The following CRB1 variants were observed in gnomAD, a reference collection of about 807,000 sequenced individuals.
CRB1 encodes the protein crumbs cell polarity complex component 1, also known as protein crumbs homolog 1.
Under a neutral mutation model 120.0 loss-of-function variants are expected in CRB1, and 83 were observed. The observed-to-expected ratio is 0.69, with a 90% CI of 0.58 to 0.83. The LOEUF (loss-of-function observed/expected upper bound fraction) is 0.83. CRB1 is among the 40% of genes least tolerant of loss of function. CRB1 has a pLI of 0.00. For missense variants in CRB1, 1,699 were observed against 1,687.6 expected (o/e 1.01, Z -0.12); for synonymous variants, 625 against 612.5 (o/e 1.02, Z -0.30).
At chr1:197,441,945 T>C (rs1665464023) in intron 10 of CRB1, 1 of 583,224 alleles carries the variant, frequency 1.7e-6, no homozygotes, top group African/African-American at 1.9e-5. Flanking sequence ...ATTCCGTGTG[T>C]ATATGTATAT....
At chr1:197,421,985 G>A (rs1233666391) in intron 6 of CRB1, 29 bp downstream of exon 6, 1 of 1,602,884 alleles carries the variant, frequency 6.2e-7, no homozygotes, top group Admixed American at 1.7e-5. Flanking sequence ...CTATGGCTAG[G>A]AGTGCCATGC....
chr1:197,351,038 AC>A (rs971929576), intron 4 of CRB1, among the ~76,000 whole-genome samples: 2 of 151,988 alleles, frequency 1.3e-5, no homozygotes, highest in African/African-American at 4.8e-5. Flanking sequence ...GGTGGCAGGC[AC>A]CCATAGAAAA....
the CRB1 span, among the ~76,000 whole-genome samples, chr1:197,209,987 C>T: frequency 6.6e-6 from 1 of 152,230 alleles, no homozygotes; most frequent in Non-Finnish European, 1.5e-5. Context: ...ATTATCTCAG[C>T]TTTCCTGGTA....
Position 197,291,549 on chromosome 1 carries a change from T to C in CRB1, c.70+23067T>C, listed in dbSNP as rs556816433. ...TTTATCTCAATTCAATAATCAAAAA[T>C]TCATGACACTGTTGGATTTTAGTTC... On this transcript the variant is annotated intron_variant, in intron 1 of 11. Coordinates refer to ENST00000367400, the MANE Select transcript of CRB1 (RefSeq NM_201253.3). Among the ~76,000 whole-genome samples the C allele has an allele frequency of 5.3e-4, 80 of 151,948 alleles. 1 individual carries two copies. The highest frequency in any genetic ancestry group is 1.8e-3 in the Admixed American group (27 of 15,220).
chr1:197,225,776 C>T, the CRB1 span, among the ~76,000 whole-genome samples: 1 of 152,188 alleles, frequency 6.6e-6, no homozygotes, highest in African/African-American at 2.4e-5. Context: ...TCCTTTAAGC[C>T]CATATTTTGA....
intron 6 of CRB1, among the ~76,000 whole-genome samples, chr1:197,423,094 T>C (rs1314215174): frequency 2.0e-5 from 3 of 152,194 alleles, no homozygotes; most frequent in Admixed American, 1.3e-4. Context: ...GCTGAGGCAA[T>C]GTTCACTTTT....
the CRB1 span, among the ~76,000 whole-genome samples, chr1:197,247,089 C>T: frequency 0.35 from 52,830 of 151,836 alleles, 11,576 homozygotes; most frequent in East Asian, 0.77. Context: ...TCAGTTTACA[C>T]CAAATGCTAC....
intron 5 of CRB1, among the ~76,000 whole-genome samples, chr1:197,362,465 G>T (rs1459867113): frequency 6.6e-6 from 1 of 151,990 alleles, no homozygotes; most frequent in African/African-American, 2.4e-5. Context: ...TTAGAGGAGA[G>T]GTGTTAAAGT....
the CRB1 span, among the ~76,000 whole-genome samples, chr1:197,262,695 A>G: frequency 6.6e-6 from 1 of 152,042 alleles, no homozygotes; most frequent in Non-Finnish European, 1.5e-5. Flanking sequence ...CTTCTTAACA[A>G]TAGTCCTCAG....
chr1:197,292,983 T>A (rs956028661), intron 1 of CRB1, among the ~76,000 whole-genome samples: 4 of 152,054 alleles, frequency 2.6e-5, no homozygotes, highest in African/African-American at 9.7e-5. Context: ...CTGGAAGCAT[T>A]CCCTTTCAAA....
chr1:197,419,770 C>T (rs541903368), intron 5 of CRB1, among the ~76,000 whole-genome samples: 5 of 144,128 alleles, frequency 3.5e-5, no homozygotes, highest in East Asian at 2.0e-4. Flanking sequence ...GTCAGGAGAT[C>T]GAGACCATCC....
At chr1:197,404,410 C>A (rs1571483781) in intron 5 of CRB1, among the ~76,000 whole-genome samples, 1 of 141,916 alleles carries the variant, frequency 7.0e-6, no homozygotes, top group African/African-American at 2.7e-5. Context: ...CCACTGCACT[C>A]CAGCCTGGGC....
chr1:197,265,913 G>A (rs61414659), upstream of CRB1, among the ~76,000 whole-genome samples: 1,086 of 152,144 alleles, frequency 7.1e-3, 15 homozygotes, highest in African/African-American at 0.023. Flanking sequence ...ATCTTTCTAA[G>A]CACAACTCTG....
chr1:197,206,176 A>G, the CRB1 span, among the ~76,000 whole-genome samples: 1 of 152,014 alleles, frequency 6.6e-6, no homozygotes, highest in African/African-American at 2.4e-5. Context: ...CTAGTGGTCT[A>G]TCAATTTTAT....
chr1:197,278,762 A>G (rs1655362839), intron 1 of CRB1, among the ~76,000 whole-genome samples: 1 of 151,944 alleles, frequency 6.6e-6, no homozygotes, highest in Non-Finnish European at 1.5e-5. Flanking sequence ...TTAAATAACC[A>G]TTAAAATAAA....
intron 1 of CRB1, among the ~76,000 whole-genome samples, chr1:197,327,801 C>A (rs970993785): frequency 6.6e-6 from 1 of 152,184 alleles, no homozygotes; most frequent in Non-Finnish European, 1.5e-5. Flanking sequence ...TCTGACTGGG[C>A]TCCAAGGGAC....
intron 2 of CRB1, among the ~76,000 whole-genome samples, chr1:197,336,080 G>T (rs1571860708): frequency 6.6e-6 from 1 of 152,200 alleles, no homozygotes; most frequent in African/African-American, 2.4e-5. Flanking sequence ...ACCTCCCTGG[G>T]TTACATGATG....
intron 5 of CRB1, among the ~76,000 whole-genome samples, chr1:197,366,066 G>A (rs1292909657): frequency 6.6e-6 from 1 of 151,836 alleles, no homozygotes. Flanking sequence ...AATGGCTTCA[G>A]GTAGAAAAGC....
intron 1 of CRB1, among the ~76,000 whole-genome samples, chr1:197,284,087 G>T (rs1469637660): frequency 1.3e-5 from 2 of 151,862 alleles, no homozygotes; most frequent in Non-Finnish European, 2.9e-5. Context: ...ATTTTAAACT[G>T]CATAGGAGTG....
Sources: gnomAD v4.1 joint callset for allele counts (sites outside exome capture counted in the v4.1 genomes callset) on GRCh38, gnomAD v4.1.1 for gene constraint, MANE v1.5 for transcripts, NCBI Gene and HGNC (gene_info 2026-07-23, HGNC 2026-07-21) for gene names.